The following COL8A1 variants were observed in gnomAD, a reference collection of about 807,000 sequenced individuals.
COL8A1 encodes collagen alpha-1(VIII) chain.
In COL8A1, 21 loss-of-function variants were observed where a neutral mutation model predicts 42.7. That is an observed-to-expected ratio of 0.49 (90% CI 0.35 to 0.71). The LOEUF (loss-of-function observed/expected upper bound fraction) is 0.71. COL8A1 is among the 30% of genes least tolerant of loss of function. The pLI, the probability that COL8A1 is intolerant of heterozygous loss-of-function variation, is 0.01. For synonymous variants in COL8A1, 367 were observed against 369.1 expected, an observed-to-expected ratio of 0.99 and a Z score of 0.06; for missense variants, 788 against 962.4, an observed-to-expected ratio of 0.82 and a Z score of 2.40.
chr3:99,760,595 C>T (rs976757248), intron 2 of COL8A1, among the ~76,000 whole-genome samples: 3 of 152,144 alleles, frequency 2.0e-5, no homozygotes, highest in Non-Finnish European at 2.9e-5. Flanking sequence ...AACCCAAACC[C>T]TCAAAACCAT....
chr3:99,747,952 G>C (rs1301000687), intron 2 of COL8A1, among the ~76,000 whole-genome samples: 1 of 152,180 alleles, frequency 6.6e-6, no homozygotes, highest in Admixed American at 6.5e-5. Context: ...ATGTGGCCTT[G>C]GGCAAGTCAT....
intron 1 of COL8A1, among the ~76,000 whole-genome samples, chr3:99,687,112 G>A (rs1203971347): frequency 1.3e-5 from 2 of 152,142 alleles, no homozygotes; most frequent in Non-Finnish European, 2.9e-5. Context: ...CCAAAGTGCT[G>A]GGATTACAGG....
chr3:99,648,156 A>G (rs939877784), intron 1 of COL8A1, among the ~76,000 whole-genome samples: 3 of 152,152 alleles, frequency 2.0e-5, no homozygotes. Context: ...TATTATTCCC[A>G]ATTTAACGAT....
At position 99,796,039 on chromosome 3, in the gene COL8A1, G is replaced by A. The variant is rs200281259; in HGVS notation, c.2138G>A (p.Arg713Gln). 9.8e-5 allele frequency: 158 copies of A among 1,613,192 alleles called. No individual in the cohort carries two copies. In the East Asian group the frequency reaches 2.3e-3, roughly 24 times the overall value. Residue 713 changes from arginine to glutamine, a missense_variant, in exon 4 of 4, where the codon CGG becomes CAG. Physicochemically the swap from Arg to Gln is conservative, Grantham distance 43 (BLOSUM62 1). Transcript: ENST00000652472. ...GTGCTGCTGCTCAGGCCCGGAGACC[G>A]GGTGTTCCTCCAGATGCCCTCAGAA... is the stretch of plus-strand genomic sequence containing the variant. ...SAVLLLRPGD[R>Q]VFLQMPSEQA...
At chr3:99,657,984 G>A (rs909623819) in intron 1 of COL8A1, among the ~76,000 whole-genome samples, 17 of 151,910 alleles carry the variant, frequency 1.1e-4, no homozygotes, top group Non-Finnish European at 1.9e-4. Flanking sequence ...AAAATTAGCC[G>A]GGTGTGATGG....
intron 1 of COL8A1, among the ~76,000 whole-genome samples, chr3:99,727,056 T>C (rs1940355657): frequency 6.6e-6 from 1 of 152,204 alleles, no homozygotes; most frequent in South Asian, 2.1e-4. Context: ...CATGGAATGT[T>C]CTTCCATTTC....
intron 1 of COL8A1, among the ~76,000 whole-genome samples, chr3:99,741,868 A>G (rs953271723): frequency 2.0e-5 from 3 of 152,216 alleles, no homozygotes; most frequent in Non-Finnish European, 2.9e-5. Flanking sequence ...ATGGGAGAGA[A>G]CACAGAGGAG....
chr3:99,757,574 C>G (rs1941278894), intron 2 of COL8A1, among the ~76,000 whole-genome samples: 1 of 152,168 alleles, frequency 6.6e-6, no homozygotes, highest in African/African-American at 2.4e-5. Context: ...AGATCCATGT[C>G]TAAGATTCTA....
intron 1 of COL8A1, among the ~76,000 whole-genome samples, chr3:99,730,375 T>C (rs959887546): frequency 1.3e-5 from 2 of 152,148 alleles, no homozygotes. Flanking sequence ...TGCCTGATCA[T>C]CTGAGAGAAT....
chr3:99,763,521 T>G (rs1367820738), intron 2 of COL8A1, among the ~76,000 whole-genome samples: 3 of 152,166 alleles, frequency 2.0e-5, no homozygotes, highest in African/African-American at 7.2e-5. Context: ...CTAAACACTT[T>G]ACATGCATAT....
intron 2 of COL8A1, 123 bp from the exon 3 acceptor site, chr3:99,790,557 C>A (rs1386990598): frequency 2.7e-6 from 2 of 727,784 alleles, no homozygotes; most frequent in Non-Finnish European, 4.5e-6. Context: ...CATTTGACTT[C>A]TATCATGAAG....
At chr3:99,689,445 G>A (rs981553273) in intron 1 of COL8A1, among the ~76,000 whole-genome samples, 3 of 152,110 alleles carry the variant, frequency 2.0e-5, no homozygotes, top group African/African-American at 7.2e-5. Context: ...ATTGTTCTCA[G>A]GCACAGAGGT....
chr3:99,786,110 TAAG>T, intron 2 of COL8A1, among the ~76,000 whole-genome samples: 1 of 152,260 alleles, frequency 6.6e-6, no homozygotes, highest in East Asian at 1.9e-4. Context: ...TACGTTGTCT[TAAG>T]AAAGATACAT....
intron 1 of COL8A1, among the ~76,000 whole-genome samples, chr3:99,661,573 A>C (rs1938208349): frequency 6.6e-6 from 1 of 152,226 alleles, no homozygotes; most frequent in Non-Finnish European, 1.5e-5. Context: ...CTCCTTAAAA[A>C]AATAAAAATA....
At chr3:99,764,945 T>C (rs1344545214) in intron 2 of COL8A1, among the ~76,000 whole-genome samples, 11 of 152,254 alleles carry the variant, frequency 7.2e-5, no homozygotes, top group Middle Eastern at 3.4e-3. Context: ...CAAGTATAAA[T>C]ATGGTACCAT....
At chr3:99,763,500 C>T (rs974749150) in intron 2 of COL8A1, among the ~76,000 whole-genome samples, 10 of 151,998 alleles carry the variant, frequency 6.6e-5, no homozygotes, top group South Asian at 2.1e-4. Flanking sequence ...TACTTCATGC[C>T]GGACATCATT....
chr3:99,655,401 G>T (rs1937985851), intron 1 of COL8A1, among the ~76,000 whole-genome samples: 2 of 152,142 alleles, frequency 1.3e-5, no homozygotes, highest in African/African-American at 2.4e-5. Context: ...AACTAAAATG[G>T]TTACAAGATC....
chr3:99,665,752 G>A (rs1332283811), intron 1 of COL8A1, among the ~76,000 whole-genome samples: 1 of 146,344 alleles, frequency 6.8e-6, no homozygotes, highest in Non-Finnish European at 1.5e-5. Flanking sequence ...CACAATCTCG[G>A]CTCACTGCAA....
At chr3:99,665,902 G>T (rs1445460160) in intron 1 of COL8A1, among the ~76,000 whole-genome samples, 2 of 151,024 alleles carry the variant, frequency 1.3e-5, no homozygotes, top group African/African-American at 4.9e-5. Context: ...TGTTGGCCAG[G>T]CTGGTCTCGA....
Sources: gnomAD v4.1 joint callset for allele counts (sites outside exome capture counted in the v4.1 genomes callset) on GRCh38, gnomAD v4.1.1 for gene constraint, MANE v1.5 for transcripts, NCBI Gene and HGNC (gene_info 2026-07-23, HGNC 2026-07-21) for gene names.